ASB3: variants seen among roughly 807,000 people sequenced by gnomAD.
ASB3 encodes the protein ankyrin repeat and SOCS box protein 3.
A neutral mutation model predicts 54.5 loss-of-function variants in ASB3; 41 were observed. The observed-to-expected ratio is 0.75, with a 90% CI of 0.59 to 0.98. The LOEUF (loss-of-function observed/expected upper bound fraction) is 0.98, where lower values mean the gene tolerates loss of function less well. ASB3 is among the 50% of genes least tolerant of loss of function. The probability of loss-of-function intolerance (pLI) is 0.00; values close to 1 mark genes in which losing one functional copy is unlikely to be tolerated. For synonymous variants in ASB3, 266 were observed against 221.2 expected (o/e 1.20, Z -1.80); for missense variants, 733 against 620.0 (o/e 1.18, Z -1.94).
intron 2 of ASB3, among the ~76,000 whole-genome samples, chr2:53,763,201 T>C (rs1294830784): frequency 2.6e-5 from 4 of 152,040 alleles, no homozygotes. Flanking sequence ...GGCAACAAAG[T>C]GAGACAGTTA....
At chr2:53,778,293 T>C (rs923917449) in intron 1 of ASB3, among the ~76,000 whole-genome samples, 2 of 152,210 alleles carry the variant, frequency 1.3e-5, no homozygotes, top group African/African-American at 2.4e-5. Flanking sequence ...CTTTGCTTTT[T>C]ATTTTTTAAT....
At chr2:53,769,719 G>A (rs1050040957) in intron 1 of ASB3, among the ~76,000 whole-genome samples, 9 of 152,204 alleles carry the variant, frequency 5.9e-5, no homozygotes, top group East Asian at 5.8e-4. Flanking sequence ...GGTGGCGCAC[G>A]CCAGTAGAGT....
intron 1 of ASB3, among the ~76,000 whole-genome samples, chr2:53,770,179 G>A (rs537875044): frequency 1.3e-5 from 2 of 152,096 alleles, no homozygotes; most frequent in South Asian, 4.2e-4. Flanking sequence ...AAGAACACAG[G>A]AACGTTTATA....
intron 1 of ASB3, chr2:53,786,515 G>A (rs1022309560): frequency 6.6e-6 from 1 of 152,252 alleles, no homozygotes; most frequent in African/African-American, 2.4e-5. Flanking sequence ...AAGCTGTTAA[G>A]TAACGAGATG....
At chr2:53,752,393 C>T (rs939603469) in intron 2 of ASB3, among the ~76,000 whole-genome samples, 1 of 152,130 alleles carries the variant, frequency 6.6e-6, no homozygotes, top group Non-Finnish European at 1.5e-5. Flanking sequence ...GGGGTCCTGC[C>T]AACAGGTTCC....
chr2:53,751,084 G>A, intron 2 of ASB3, 143 bp from the exon 3 acceptor site: 1 of 1,044,262 alleles, frequency 9.6e-7, no homozygotes, highest in Non-Finnish European at 1.2e-6. Context: ...TAAAACTATA[G>A]AAAATCAAGA....
intron 2 of ASB3, among the ~76,000 whole-genome samples, chr2:53,760,022 G>A (rs1202949137): frequency 6.6e-6 from 1 of 152,106 alleles, no homozygotes; most frequent in Non-Finnish European, 1.5e-5. Context: ...CTATCTGAGG[G>A]GATCCTAGGA....
chr2:53,786,355 T>C (rs773277838), intron 1 of ASB3: 6 of 152,172 alleles, frequency 3.9e-5, no homozygotes, highest in Non-Finnish European at 8.8e-5. Context: ...AGGGTTGTGA[T>C]GTCTAGCTGC....
chr2:53,783,718 T>C (rs1456052705), intron 1 of ASB3, among the ~76,000 whole-genome samples: 1 of 152,088 alleles, frequency 6.6e-6, no homozygotes, highest in African/African-American at 2.4e-5. Flanking sequence ...GAAAACAAAA[T>C]GATTGTGGAC....
chr2:53,711,699 G>A (rs1304814555), intron 7 of ASB3, among the ~76,000 whole-genome samples: 8 of 151,998 alleles, frequency 5.3e-5, no homozygotes, highest in African/African-American at 1.7e-4. Flanking sequence ...ACTTGAACTC[G>A]GGAGATGGAG....
At chr2:53,724,621 A>G (rs1418717455) in intron 5 of ASB3, among the ~76,000 whole-genome samples, 1 of 152,102 alleles carries the variant, frequency 6.6e-6, no homozygotes, top group Non-Finnish European at 1.5e-5. Flanking sequence ...AAATTGGGCA[A>G]AAGACATGAA....
chr2:53,744,786 T>C (rs1402176831), intron 3 of ASB3, among the ~76,000 whole-genome samples: 1 of 152,234 alleles, frequency 6.6e-6, no homozygotes, highest in Non-Finnish European at 1.5e-5. Flanking sequence ...ACATGGTGGT[T>C]TGTTCAATTT....
intron 3 of ASB3, among the ~76,000 whole-genome samples, chr2:53,730,016 A>AT (rs1226438115): frequency 2.6e-5 from 4 of 152,102 alleles, no homozygotes; most frequent in Admixed American, 1.3e-4. Context: ...TTCATCTTAG[A>AT]TTTTTTTTAC....
At chr2:53,768,254 G>A (rs1673635697) in intron 1 of ASB3, 1 of 483,176 alleles carries the variant, frequency 2.1e-6, no homozygotes, top group Non-Finnish European at 3.6e-6. Flanking sequence ...TCTAGAGACG[G>A]CGAGAAGCGC....
intron 3 of ASB3, 116 bp from the exon 4 acceptor site, chr2:53,729,686 T>A: frequency 1.3e-6 from 1 of 782,540 alleles, no homozygotes; most frequent in Non-Finnish European, 2.1e-6. Flanking sequence ...CTCTGATTAT[T>A]CCTAAACAGT....
At chr2:53,714,774 T>C (rs972529941) in intron 6 of ASB3, among the ~76,000 whole-genome samples, 193 bp from the exon 7 acceptor site, 3 of 152,230 alleles carry the variant, frequency 2.0e-5, no homozygotes, top group Admixed American at 2.0e-4. Context: ...GTTACACTTA[T>C]TATTGCTTAA....
chr2:53,780,298 C>G (rs1291823643), intron 1 of ASB3, among the ~76,000 whole-genome samples: 2 of 152,116 alleles, frequency 1.3e-5, no homozygotes, highest in Admixed American at 1.3e-4. Flanking sequence ...ATGCTCCAAT[C>G]ACACCACCCT....
At chr2:53,713,497 TG>T (rs1670218846) in intron 7 of ASB3, among the ~76,000 whole-genome samples, 1 of 152,254 alleles carries the variant, frequency 6.6e-6, no homozygotes. Context: ...ACAAAGTTAC[TG>T]GCCAGACACT....
At chr2:53,676,730 T>TAC (rs1162408166) in intron 9 of ASB3, among the ~76,000 whole-genome samples, 3 of 152,154 alleles carry the variant, frequency 2.0e-5, no homozygotes, top group Non-Finnish European at 4.4e-5. Flanking sequence ...AAGTGCCCTA[T>TAC]ACAGATCTAC....
Sources: allele counts gnomAD v4.1 joint callset (sites outside exome capture counted in the v4.1 genomes callset), GRCh38; gene constraint gnomAD v4.1.1; transcripts MANE v1.5; gene names NCBI Gene and HGNC (gene_info 2026-07-23, HGNC 2026-07-21).